Variants in UBE2G1 observed in about 807,000 individuals in gnomAD.
The protein encoded by UBE2G1 is ubiquitin conjugating enzyme E2 G1.
Under a neutral mutation model 22.7 loss-of-function variants are expected in UBE2G1, and 5 were observed. The ratio of observed to expected loss-of-function variants is 0.22; its 90% CI spans 0.12 to 0.46. UBE2G1 has a LOEUF of 0.46. Among genes scored for constraint, UBE2G1 ranks in the 20% least tolerant of loss-of-function variants. UBE2G1 has a pLI of 0.99. For missense variants in UBE2G1, 88 were observed against 203.9 expected (o/e 0.43, Z 3.46); for synonymous variants, 74 against 67.5 (o/e 1.10, Z -0.47).
intron 1 of UBE2G1, among the ~76,000 whole-genome samples, chr17:4,334,632 C>G (rs1969623143): frequency 6.6e-6 from 1 of 152,068 alleles, no homozygotes; most frequent in African/African-American, 2.4e-5. Context: ...TCTGCCTCCC[C>G]AGTTCAAACG....
chr17:4,270,902 G>C lies in UBE2G1; in HGVS notation c.*1652C>G, dbSNP rs139647538. ...TTTGTAGAGGTCTGGGCTCTTGGCA[G>C]GAGTTCTTTCACTCTTCTGCCAAAG... On this transcript the variant is annotated 3_prime_UTR_variant, in exon 6 of 6. Coordinates refer to ENST00000396981, the MANE Select transcript of UBE2G1 (RefSeq NM_003342.5). 6.6e-6 allele frequency: 1 copy of C among 152,272 alleles called. No homozygotes were observed. Among genetic ancestry groups the C allele is most frequent in the Non-Finnish European group, 1.5e-5 (1 of 68,014 alleles). The allele number at this position is 152,272 out of a possible 1,614,324, so 9.4% of individuals were successfully genotyped here.
chr17:4,361,471 G>A (rs547827498), intron 1 of UBE2G1, among the ~76,000 whole-genome samples: 1 of 152,296 alleles, frequency 6.6e-6, no homozygotes, highest in African/African-American at 2.4e-5. Context: ...AGATTGCAGT[G>A]AGCTGAGATT....
At chr17:4,331,175 T>C (rs1182367762) in intron 1 of UBE2G1, among the ~76,000 whole-genome samples, 2 of 152,202 alleles carry the variant, frequency 1.3e-5, no homozygotes, top group African/African-American at 4.8e-5. Context: ...AAAGCCTTTC[T>C]AGAAGGCAAT....
chr17:4,300,414 G>A (rs1969163650), intron 2 of UBE2G1, among the ~76,000 whole-genome samples: 1 of 151,962 alleles, frequency 6.6e-6, no homozygotes, highest in African/African-American at 2.4e-5. Flanking sequence ...GTGGTGGCAG[G>A]TGCCTGTAAT....
At chr17:4,282,649 A>T in intron 5 of UBE2G1, 149 bp downstream of exon 5, 2 of 561,884 alleles carry the variant, frequency 3.6e-6, no homozygotes, top group Non-Finnish European at 6.3e-6. Flanking sequence ...CAGATTATAC[A>T]GTAGTTTTGA....
At chr17:4,323,946 C>A (rs1444530932) in intron 1 of UBE2G1, among the ~76,000 whole-genome samples, 2 of 152,062 alleles carry the variant, frequency 1.3e-5, no homozygotes, top group South Asian at 2.1e-4. Context: ...ATGTAATAAT[C>A]CAGGCAAGGA....
intron 3 of UBE2G1, among the ~76,000 whole-genome samples, chr17:4,293,051 G>A (rs370047225): frequency 6.6e-6 from 1 of 152,104 alleles, no homozygotes; most frequent in East Asian, 1.9e-4. Flanking sequence ...TGTCTACAGA[G>A]TTGTACAATC....
chr17:4,302,500 G>C (rs1217724353), intron 2 of UBE2G1: 2 of 461,450 alleles, frequency 4.3e-6, no homozygotes, highest in East Asian at 1.1e-4. Flanking sequence ...GAATCTTGGG[G>C]TGGCCATCAT....
At chr17:4,282,091 G>GT (rs1458065369) in intron 5 of UBE2G1, among the ~76,000 whole-genome samples, 3 of 151,976 alleles carry the variant, frequency 2.0e-5, no homozygotes, top group African/African-American at 4.8e-5. Context: ...TTTGTTTTTT[G>GT]TTTTTTTCTG....
chr17:4,358,276 TTTTTTAGGCAGGGCC>T (rs1342502352), intron 1 of UBE2G1, among the ~76,000 whole-genome samples: 1 of 152,154 alleles, frequency 6.6e-6, no homozygotes, highest in Non-Finnish European at 1.5e-5. Context: ...TTTGCCCTTA[TTTTTTAGGCAGGGCC>T]TTGCTCTGTG....
intron 5 of UBE2G1, among the ~76,000 whole-genome samples, chr17:4,279,786 TATATATATATATATATATATATATATATA>T (rs1968863187): frequency 9.0e-6 from 1 of 110,950 alleles, no homozygotes; most frequent in African/African-American, 6.3e-5. Context: ...AAAAAAAAGT[TATATATATATATATATATATATATATATA>T]TATATATATA....
chr17:4,348,949 G>A (rs866743462), intron 1 of UBE2G1, among the ~76,000 whole-genome samples: 27 of 152,124 alleles, frequency 1.8e-4, no homozygotes, highest in Middle Eastern at 3.4e-3. Context: ...AGCACTTTGG[G>A]AGGCCAAGGC....
chr17:4,354,521 G>GA (rs948326167), intron 1 of UBE2G1, among the ~76,000 whole-genome samples: 44 of 151,642 alleles, frequency 2.9e-4, no homozygotes, highest in Admixed American at 2.4e-3. Flanking sequence ...ACTCCCAAAA[G>GA]AAAAAAAATA....
At chr17:4,324,583 T>C (rs191662247) in intron 1 of UBE2G1, among the ~76,000 whole-genome samples, 5 of 152,202 alleles carry the variant, frequency 3.3e-5, no homozygotes, top group African/African-American at 1.2e-4. Context: ...AGTGAAACAA[T>C]TGCTTTATTT....
At chr17:4,296,914 C>G (rs1598184504) in intron 2 of UBE2G1, 100 bp from the exon 3 acceptor site, 2 of 1,000,328 alleles carry the variant, frequency 2.0e-6, no homozygotes, top group Non-Finnish European at 3.0e-6. Flanking sequence ...GCACTAACAT[C>G]AAAAATGAAG....
intron 1 of UBE2G1, among the ~76,000 whole-genome samples, chr17:4,326,689 CA>C (rs1202856928): frequency 1.3e-5 from 2 of 152,184 alleles, no homozygotes; most frequent in African/African-American, 4.8e-5. Flanking sequence ...ACCCAATTGT[CA>C]ACCAACAGAT....
intron 5 of UBE2G1, among the ~76,000 whole-genome samples, chr17:4,276,959 C>T (rs932734825): frequency 1.3e-5 from 2 of 152,338 alleles, no homozygotes; most frequent in Non-Finnish European, 2.9e-5. Context: ...GTCTAATCCA[C>T]TAGTCACTGA....
chr17:4,284,501 T>A (rs1184131614), intron 4 of UBE2G1, among the ~76,000 whole-genome samples: 1 of 151,722 alleles, frequency 6.6e-6, no homozygotes, highest in East Asian at 1.9e-4. Context: ...CTCAGGAGGC[T>A]GAGGTGAGAG....
intron 1 of UBE2G1, among the ~76,000 whole-genome samples, chr17:4,329,085 CAG>C (rs1241972129): frequency 1.8e-5 from 2 of 113,446 alleles, no homozygotes; most frequent in Non-Finnish European, 3.4e-5. Context: ...GCCTGGGTGA[CAG>C]AGAGAGACTC....
Sources: allele counts gnomAD v4.1 joint callset (sites outside exome capture counted in the v4.1 genomes callset), GRCh38; gene constraint gnomAD v4.1.1; transcripts MANE v1.5; gene names NCBI Gene and HGNC (gene_info 2026-07-23, HGNC 2026-07-21).